PLIN1: variants seen among roughly 807,000 people sequenced by gnomAD.
The protein encoded by PLIN1 is perilipin-1.
Under a neutral mutation model 45.8 loss-of-function variants are expected in PLIN1, and 37 were observed. The observed-to-expected ratio is 0.81, with a 90% CI of 0.62 to 1.06. The LOEUF is 1.06. Ranked by LOEUF, PLIN1 falls within the 50% of genes least tolerant of loss-of-function variation. The pLI, the probability that PLIN1 is intolerant of heterozygous loss-of-function variation, is 0.00. For synonymous variants in PLIN1, 340 were observed against 309.2 expected, an observed-to-expected ratio of 1.10 and a Z score of -1.05; for missense variants, 776 against 716.5, an observed-to-expected ratio of 1.08 and a Z score of -0.95.
intron 8 of PLIN1, among the ~76,000 whole-genome samples, chr15:89,666,247 G>GC (rs921624505): frequency 1.2e-4 from 18 of 152,188 alleles, no homozygotes; most frequent in African/African-American, 3.6e-4. Context: ...CTTCCTTGCA[G>GC]CCCACACAGT....
intron 2 of PLIN1, 72 bp from the exon 3 acceptor site, chr15:89,673,486 C>A: frequency 7.9e-7 from 1 of 1,259,158 alleles, no homozygotes; most frequent in South Asian, 1.3e-5. Context: ...ACCCCGGGGT[C>A]ATGGGGACCA....
Position 89,670,093 on chromosome 15 carries a change from T to C in PLIN1, c.485A>G (p.Glu162Gly). 1 of 1,614,144 alleles carries C rather than the reference T, an allele frequency of 6.2e-7. No individual in the cohort carries two copies. The highest frequency in any genetic ancestry group is 8.5e-7 in the Non-Finnish European group (1 of 1,180,034). ...GCCAGCTCGAGTGTTGGCAGCAAAT[T>C]CCGCAGTGTCTCTGGCCACCCCCCA... ...LAWGVARDTA[E>G]FAANTRAGRL... The change falls in exon 5 of 9, where the codon GAA (glutamate) becomes GGA (glycine). Residue 162 changes from glutamate to glycine, a missense_variant. Physicochemically the swap from Glu to Gly is moderately conservative, Grantham distance 98 (BLOSUM62 -2). Transcript: ENST00000300055.
At chr15:89,668,227 T>C (rs2350484) in intron 6 of PLIN1, among the ~76,000 whole-genome samples, 146,471 of 152,330 alleles carry the variant, frequency 0.96, 70,718 homozygotes, top group Middle Eastern at 1. Flanking sequence ...ATGGTGTAAG[T>C]TTCACCCATG....
Position 89,664,858 on chromosome 15 carries a change from A to G in PLIN1, c.*725T>C, listed in dbSNP as rs1172375775. On this transcript the variant is annotated 3_prime_UTR_variant, in exon 9 of 9. Coordinates refer to ENST00000300055, the MANE Select transcript of PLIN1 (RefSeq NM_002666.5). ...TACATAAAGTCTATATATCATCACCATTTTGGTTCCCCAGCATCAAAAGAG... is the reference window on the plus strand; with the variant it reads ...TACATAAAGTCTATATATCATCACCGTTTTGGTTCCCCAGCATCAAAAGAG... 2.2e-6 allele frequency: 1 copy of G among 455,976 alleles called. No individual in the cohort carries two copies. Among genetic ancestry groups the G allele is most frequent in the East Asian group, 6.9e-5 (1 of 14,408 alleles). The allele number at this position is 455,976 out of a possible 1,614,324, so 28.2% of individuals were successfully genotyped here.
In PLIN1 at chr15:89,670,080, G is replaced by T; in HGVS notation, c.498C>A (p.Asn166Lys). 1 of 1,614,202 alleles carries T rather than the reference G, an allele frequency of 6.2e-7. No individual in the cohort carries two copies. Among genetic ancestry groups the T allele is most frequent in the African/African-American group, 1.3e-5 (1 of 75,064 alleles). Reference protein sequence around the residue: ...VARDTAEFAANTRAGRLASGG... With the variant: ...VARDTAEFAAKTRAGRLASGG... The stretch of plus-strand genomic sequence containing the variant: ...CAGAAGCCAGTCGGCCAGCTCGAGT[G>T]TTGGCAGCAAATTCCGCAGTGTCTC... Residue 166 changes from asparagine to lysine, a missense_variant, in exon 5 of 9, where the codon AAC (asparagine) becomes AAA (lysine). By Grantham distance (94) the Asn-to-Lys change is moderately conservative. Transcript: ENST00000300055.
chr15:89,673,593 G>A (rs994958202), intron 2 of PLIN1, among the ~76,000 whole-genome samples, 179 bp from the exon 3 acceptor site: 1 of 152,142 alleles, frequency 6.6e-6, no homozygotes, highest in Non-Finnish European at 1.5e-5. Flanking sequence ...GAGCCCATGG[G>A]GAAAACAAGA....
At position 89,667,146 on chromosome 15, in the gene PLIN1, A is replaced by G; in HGVS notation, c.999T>C (p.Gly333=). The change falls in exon 8 of 9, where the codon GGT becomes GGC. Residue 333 remains glycine (G), a synonymous_variant. Transcript: ENST00000300055. The part of the protein sequence containing the change: ...AALPGPRGLL[G]GVAHTLQKTL... ...TCTTCTGCAGGGTATGTGCCACACC[A>G]CCCAGGAGGCCTCGAGGGCCTGGCA... 1.9e-6 allele frequency: 3 copies of G among 1,613,756 alleles called. No individual in the cohort carries two copies. Among genetic ancestry groups the G allele is most frequent in the Non-Finnish European group, 2.5e-6 (3 of 1,179,980 alleles).
At chr15:89,672,734 C>T (rs1042809860) in intron 3 of PLIN1, among the ~76,000 whole-genome samples, 1 of 152,202 alleles carries the variant, frequency 6.6e-6, no homozygotes, top group African/African-American at 2.4e-5. Context: ...TCTCTGCCAC[C>T]CCCACCCGTC....
At chr15:89,676,249 T>G (rs1964513443) in intron 2 of PLIN1, among the ~76,000 whole-genome samples, 1 of 147,472 alleles carries the variant, frequency 6.8e-6, no homozygotes, top group Non-Finnish European at 1.5e-5. Context: ...TTTTTTGTTG[T>G]TTGTTTGTTT....
chr15:89,677,226 T>C (rs1964532662), intron 2 of PLIN1: 2 of 595,958 alleles, frequency 3.4e-6, no homozygotes. Context: ...TTTTTCAAGG[T>C]GCTTAATTTT....
At chr15:89,677,714 G>C (rs1463877640) in intron 1 of PLIN1, 1 of 584,610 alleles carries the variant, frequency 1.7e-6, no homozygotes, top group Non-Finnish European at 3.0e-6. Context: ...TAGCTTACTT[G>C]TCAAGACTGA....
chr15:89,667,498 C>A, intron 7 of PLIN1, 104 bp downstream of exon 7: 1 of 1,534,398 alleles, frequency 6.5e-7, no homozygotes, highest in South Asian at 1.1e-5. Flanking sequence ...ACGCACATGC[C>A]GTGCCCCTGC....
rs754709881 is a variant in PLIN1, at chr15:89,667,564, G to A, written c.963+38C>T. 8.1e-6 allele frequency: 13 copies of A among 1,613,944 alleles called. No individual in the cohort carries two copies. In the Admixed American group the frequency reaches 2.2e-4, roughly 27 times the overall value. On this transcript the variant is annotated intron_variant, in intron 7 of 8. Transcript: ENST00000300055. ...TGCCTCTGCTTCTCACCCCTTCTGT[G>A]GGCTGGGGGACCTTGAGGCTCCCAC...
Position 89,670,056 on chromosome 15 carries a change from A to G in PLIN1, c.522T>C (p.Ser174=), listed in dbSNP as rs1030400428. Residue 174 remains serine, a synonymous_variant, in exon 5 of 9, where the codon TCT becomes TCC. Transcript: ENST00000300055. ...AANTRAGRLA[S]GGADLALGSI... ...TGCCCAAGGCCAAGTCGGCCCCTCC[A>G]GAAGCCAGTCGGCCAGCTCGAGTGT... 2 of 1,614,102 alleles carry G rather than the reference A, an allele frequency of 1.2e-6. No individual in the cohort carries two copies. The highest frequency in any genetic ancestry group is 1.7e-6 in the Non-Finnish European group (2 of 1,180,006).
intron 2 of PLIN1, among the ~76,000 whole-genome samples, chr15:89,675,324 G>A (rs1964499124): frequency 6.6e-6 from 1 of 150,490 alleles, no homozygotes; most frequent in South Asian, 2.1e-4. Context: ...ATGAATTCTA[G>A]GGCTAAGTGT....
intron 2 of PLIN1, 73 bp from the exon 3 acceptor site, chr15:89,673,487 ATGGG>A: frequency 3.3e-6 from 4 of 1,209,654 alleles, no homozygotes; most frequent in African/African-American, 1.5e-5. Context: ...CCCCGGGGTC[ATGGG>A]GACCAATGGT....
At chr15:89,676,266 T>C (rs1201607452) in intron 2 of PLIN1, among the ~76,000 whole-genome samples, 1 of 152,168 alleles carries the variant, frequency 6.6e-6, no homozygotes, top group Admixed American at 6.5e-5. Context: ...GTTTGTTTTT[T>C]TGAGATGGAA....
At chr15:89,666,303 C>T (rs1964339295) in intron 8 of PLIN1, among the ~76,000 whole-genome samples, 1 of 152,166 alleles carries the variant, frequency 6.6e-6, no homozygotes, top group Non-Finnish European at 1.5e-5. Context: ...GGCCCGAGCG[C>T]AGGATGAACA....
At position 89,667,703 on chromosome 15, in the gene PLIN1, C is replaced by T. The variant is rs767115522; in HGVS notation, c.862G>A (p.Ala288Thr). 9 of 1,586,992 alleles carry T rather than the reference C, an allele frequency of 5.7e-6. No homozygotes were observed. The highest frequency in any genetic ancestry group is 6.9e-6 in the Non-Finnish European group (8 of 1,166,706). ...TCATGATCCTCCTCCTGGGCGGCTGCGAGGCTGTGCAGCCAGGGTACCCGC... is the reference window on the plus strand; with the variant it reads ...TCATGATCCTCCTCCTGGGCGGCTGTGAGGCTGTGCAGCCAGGGTACCCGC... ...EVRVPWLHSL[A>T]AAQEEDHEDQ... Residue 288 changes from alanine to threonine, a missense_variant, in exon 7 of 9, where the codon GCA becomes ACA. Ala to Thr is a moderately conservative substitution (Grantham distance 58). Coordinates refer to ENST00000300055, the MANE Select transcript of PLIN1 (RefSeq NM_002666.5).
Sources: allele counts gnomAD v4.1 joint callset (sites outside exome capture counted in the v4.1 genomes callset), GRCh38; gene constraint gnomAD v4.1.1; transcripts MANE v1.5; gene names NCBI Gene and HGNC (gene_info 2026-07-23, HGNC 2026-07-21).